Variants in FAAH2 observed in about 807,000 individuals in gnomAD.
The protein encoded by FAAH2 is fatty-acid amide hydrolase 2.
Under a neutral mutation model 36.9 loss-of-function variants are expected in FAAH2, and 60 were observed. The observed-to-expected ratio is 1.63, with a 90% CI of 1.32 to 2.02. The LOEUF (loss-of-function observed/expected upper bound fraction) is 2.02, where lower values mean the gene tolerates loss of function less well. Among genes scored for constraint, FAAH2 ranks in the 30% most tolerant of loss-of-function variants. The pLI, the probability that FAAH2 is intolerant of heterozygous loss-of-function variation, is 0.00. For missense variants in FAAH2, 689 were observed against 397.5 expected, an observed-to-expected ratio of 1.73 and a Z score of -6.23; for synonymous variants, 214 against 143.8, an observed-to-expected ratio of 1.49 and a Z score of -3.49.
intron 10 of FAAH2, among the ~76,000 whole-genome samples, chrX:57,487,935 A>T (rs2057504872): frequency 1.8e-5 from 2 of 112,178 alleles, no homozygotes; most frequent in African/African-American, 6.5e-5. Flanking sequence ...TGGTATATTT[A>T]TTCAATGGAA....
chrX:57,307,386 GGTTAA>G (rs1298031360), intron 2 of FAAH2, among the ~76,000 whole-genome samples: 31 of 110,181 alleles, frequency 2.8e-4, no homozygotes, highest in South Asian at 1.2e-3. Context: ...AATACAGAAA[GGTTAA>G]GTTAAGTTTT....
rs183107748 is a variant in FAAH2 at position 57,431,094 on chromosome X, C to G, written c.997-824C>G. 2.6e-3 allele frequency among the ~76,000 whole-genome samples: 287 copies of G among 111,783 alleles called. 3 individuals carry two copies. Among genetic ancestry groups the G allele is most frequent in the African/African-American group, 8.9e-3 (275 of 30,812 alleles). On this transcript the variant is annotated intron_variant, in intron 7 of 10. Transcript: ENST00000374900. ...AAATCGAGACTCTCTCCTTCTTGGG[C>G]TCATATCAATACATTTGGCCTGTTT...
At chrX:57,403,756 C>T (rs1361902130) in intron 7 of FAAH2, among the ~76,000 whole-genome samples, 2 of 112,048 alleles carry the variant, frequency 1.8e-5, no homozygotes, top group Non-Finnish European at 3.8e-5. Context: ...TCTCAATCAC[C>T]TGGGAGGAAC....
intron 5 of FAAH2, among the ~76,000 whole-genome samples, chrX:57,370,703 C>T (rs1162305785): frequency 8.9e-6 from 1 of 112,161 alleles, no homozygotes; most frequent in Non-Finnish European, 1.9e-5. Context: ...GGTGAGTAAG[C>T]ATTACCACAT....
At position 57,425,912 on chromosome X, in the gene FAAH2, T is replaced by C. The variant is rs529655854; in HGVS notation, c.997-6006T>C. 6.2e-4 allele frequency among the ~76,000 whole-genome samples: 70 copies of C among 112,348 alleles called. 1 individual carries two copies. In the South Asian group the frequency reaches 0.025, roughly 40 times the overall value. ...TAAAAGACACAATTGGCAGAATAGA[T>C]GTTAAAAACATGATCTATTATTTTA... On this transcript the variant is annotated intron_variant, in intron 7 of 10. Coordinates refer to ENST00000374900, the MANE Select transcript of FAAH2 (RefSeq NM_174912.4).
the FAAH2 span, among the ~76,000 whole-genome samples, chrX:57,146,300 T>A: frequency 5.4e-5 from 6 of 111,346 alleles, no homozygotes; most frequent in Non-Finnish European, 1.1e-4. Context: ...TTATGTATAT[T>A]TGTAAGTATT....
At chrX:57,284,382 A>G (rs1192965798), upstream of FAAH2, among the ~76,000 whole-genome samples, 1 of 90,234 alleles carries the variant, frequency 1.1e-5, no homozygotes, top group Non-Finnish European at 2.0e-5. Context: ...GAGACACCAT[A>G]TCATAACAAA....
intron 7 of FAAH2, 149 bp downstream of exon 7, chrX:57,381,178 A>AT (rs2054838209): frequency 5.0e-6 from 2 of 397,657 alleles, no homozygotes; most frequent in Non-Finnish European, 8.6e-6. Flanking sequence ...TTTGGATGTA[A>AT]TTTTTCATGG....
intron 7 of FAAH2, among the ~76,000 whole-genome samples, chrX:57,390,461 G>T (rs2055139154): frequency 1.8e-5 from 2 of 111,295 alleles, no homozygotes; most frequent in South Asian, 3.7e-4. Context: ...TATCCCACAG[G>T]TAATTTTTCA....
chrX:57,449,145 C>T (rs1323643204), intron 10 of FAAH2, among the ~76,000 whole-genome samples: 1 of 112,158 alleles, frequency 8.9e-6, no homozygotes, highest in Non-Finnish European at 1.9e-5. Context: ...CTATCATCCC[C>T]TTTGAATTCA....
intron 5 of FAAH2, among the ~76,000 whole-genome samples, chrX:57,368,907 A>T (rs2054485289): frequency 9.0e-6 from 1 of 110,535 alleles, no homozygotes; most frequent in Non-Finnish European, 1.9e-5. Context: ...TTTAAAAAGT[A>T]ATTCAAAATA....
the FAAH2 span, chrX:57,136,839 G>GC: frequency 2.2e-6 from 1 of 446,413 alleles, no homozygotes; most frequent in Non-Finnish European, 3.8e-6. Flanking sequence ...CTCTGCAGAA[G>GC]TGGCTGGGCC....
chrX:57,221,341 TG>T, the FAAH2 span, among the ~76,000 whole-genome samples: 1 of 111,597 alleles, frequency 9.0e-6, no homozygotes, highest in African/African-American at 3.3e-5. Context: ...AACTTTTTCT[TG>T]TCCCCCATCT....
At chrX:57,162,582 A>G in the FAAH2 span, among the ~76,000 whole-genome samples, 6 of 110,402 alleles carry the variant, frequency 5.4e-5, no homozygotes, top group South Asian at 1.9e-3. Context: ...TTTTCTCTAA[A>G]CTTCCCTTCT....
chrX:57,122,461 G>C, the FAAH2 span, among the ~76,000 whole-genome samples: 1 of 110,608 alleles, frequency 9.0e-6, no homozygotes, highest in Non-Finnish European at 1.9e-5. Flanking sequence ...TCTATGTATC[G>C]GAATAGAAAG....
Position 57,331,660 on chromosome X carries a change from G to A in FAAH2, c.475G>A (p.Val159Met). 2 of 1,210,766 alleles carry A rather than the reference G, an allele frequency of 1.7e-6. No homozygotes were observed. Among genetic ancestry groups the A allele is most frequent in the Non-Finnish European group, 2.2e-6 (2 of 894,463 alleles). Reference protein sequence around the residue: ...RDAIAKTDATVVALLKGAGAI... With the variant: ...RDAIAKTDATMVALLKGAGAI... ...TGCCATTGCCAAAACAGATGCCACT[G>A]TGGTGGCATTACTGAAGGGAGCTGG... is the stretch of plus-strand genomic sequence containing the variant. The change falls in exon 4 of 11, where the codon GTG becomes ATG. Residue 159 changes from valine (V) to methionine (M), a missense_variant. Coordinates refer to ENST00000374900, the MANE Select transcript of FAAH2 (RefSeq NM_174912.4).
chrX:57,157,341 G>A, the FAAH2 span, among the ~76,000 whole-genome samples: 1 of 111,511 alleles, frequency 9.0e-6, no homozygotes, highest in Non-Finnish European at 1.9e-5. Flanking sequence ...TCAAATTTTC[G>A]AGGCCCTGAG....
intron 10 of FAAH2, among the ~76,000 whole-genome samples, chrX:57,455,287 G>A (rs372815738): frequency 1.1e-4 from 12 of 111,079 alleles, no homozygotes; most frequent in East Asian, 8.5e-4. Flanking sequence ...ACCCTTACCC[G>A]AGTTCTTTAA....
At chrX:57,395,379 C>A in intron 7 of FAAH2, 1 of 715,986 alleles carries the variant, frequency 1.4e-6, no homozygotes, top group Non-Finnish European at 2.2e-6. Flanking sequence ...GCGGAGATCT[C>A]CTTCCTGTTC....
Sources: gnomAD v4.1 joint callset for allele counts (sites outside exome capture counted in the v4.1 genomes callset) on GRCh38, gnomAD v4.1.1 for gene constraint, MANE v1.5 for transcripts, NCBI Gene and HGNC (gene_info 2026-07-23, HGNC 2026-07-21) for gene names.